Variants in SLC4A8 observed in about 807,000 individuals in gnomAD.
The protein encoded by SLC4A8 is solute carrier family 4 member 8, also known as electroneutral sodium bicarbonate exchanger 1.
In SLC4A8, 40 loss-of-function variants were observed where a neutral mutation model predicts 125.0. The ratio of observed to expected loss-of-function variants is 0.32; its 90% CI spans 0.25 to 0.42. The LOEUF (loss-of-function observed/expected upper bound fraction) is 0.42. SLC4A8 is among the 10% of genes least tolerant of loss of function. SLC4A8 has a pLI of 1.00. For synonymous variants in SLC4A8, 456 were observed against 476.0 expected, an observed-to-expected ratio of 0.96 and a Z score of 0.55; for missense variants, 863 against 1,355.1, an observed-to-expected ratio of 0.64 and a Z score of 5.70.
At chr12:51,478,262 G>A (rs1430587752) in intron 16 of SLC4A8, among the ~76,000 whole-genome samples, 5 of 132,288 alleles carry the variant, frequency 3.8e-5, no homozygotes, top group Admixed American at 1.6e-4. Context: ...GGGACAGAGC[G>A]AAACTCCGTC....
At chr12:51,400,785 T>TACATAC (rs1948371178) in intron 1 of SLC4A8, among the ~76,000 whole-genome samples, 1 of 11,162 alleles carries the variant, frequency 9.0e-5, no homozygotes, top group African/African-American at 5.1e-4. Flanking sequence ...TATACATACA[T>TACATAC]ACACACACAC....
At chr12:51,432,252 C>G (rs1388875833) in intron 1 of SLC4A8, among the ~76,000 whole-genome samples, 10 of 148,160 alleles carry the variant, frequency 6.7e-5, no homozygotes, top group African/African-American at 1.5e-4. Flanking sequence ...ACTAAAAATA[C>G]AAAAAAAAAT....
At chr12:51,450,751 T>A in intron 2 of SLC4A8, 125 bp from the exon 3 acceptor site, 1 of 1,032,582 alleles carries the variant, frequency 9.7e-7, no homozygotes, top group Non-Finnish European at 1.4e-6. Flanking sequence ...AGTTTTGTTG[T>A]TCCAGAGCTG....
upstream of SLC4A8, among the ~76,000 whole-genome samples, chr12:51,421,225 T>A (rs1370568522): frequency 2.0e-5 from 3 of 152,232 alleles, no homozygotes; most frequent in Non-Finnish European, 2.9e-5. Context: ...CTAGGACTTG[T>A]CTTCCAGCCA....
At chr12:51,461,097 G>T in intron 8 of SLC4A8, 107 bp from the exon 9 acceptor site, 2 of 545,952 alleles carry the variant, frequency 3.7e-6, no homozygotes, top group South Asian at 2.9e-5. Flanking sequence ...AAGGTACAGT[G>T]ATGATTTATG....
chr12:51,485,145 A>C (rs1446614109), intron 16 of SLC4A8, among the ~76,000 whole-genome samples: 3 of 152,184 alleles, frequency 2.0e-5, no homozygotes, highest in Admixed American at 2.0e-4. Flanking sequence ...TAGGCCAAGA[A>C]GGCCTTTTGA....
chr12:51,424,156 TA>T (rs1948885004), upstream of SLC4A8, among the ~76,000 whole-genome samples: 1 of 151,932 alleles, frequency 6.6e-6, no homozygotes, highest in Non-Finnish European at 1.5e-5. Flanking sequence ...TCTTTTCTTA[TA>T]AATCCAAATC....
chr12:51,411,955 G>A (rs904835635), intron 1 of SLC4A8, among the ~76,000 whole-genome samples: 26 of 151,930 alleles, frequency 1.7e-4, no homozygotes, highest in Non-Finnish European at 3.1e-4. Context: ...CCAGCTACTC[G>A]GGAGGCTGAG....
chr12:51,486,588 A>G (rs116302892), intron 17 of SLC4A8, among the ~76,000 whole-genome samples: 2,278 of 152,360 alleles, frequency 0.015, 71 homozygotes, highest in African/African-American at 0.053. Flanking sequence ...CAAAGAAGAT[A>G]GAAAAGCTGA....
chr12:51,466,215 A>G (rs1390959284), intron 11 of SLC4A8, among the ~76,000 whole-genome samples: 5 of 152,180 alleles, frequency 3.3e-5, no homozygotes, highest in Non-Finnish European at 1.5e-5. Flanking sequence ...CAGGGATGCC[A>G]TAAGTAACAA....
intron 1 of SLC4A8, among the ~76,000 whole-genome samples, chr12:51,398,322 C>T (rs1439184787): frequency 2.0e-5 from 3 of 152,118 alleles, no homozygotes; most frequent in Admixed American, 6.5e-5. Flanking sequence ...TTTGTATAAC[C>T]GAAGCCTCCT....
chr12:51,505,308 C>T (rs1452098283), intron 23 of SLC4A8, among the ~76,000 whole-genome samples: 3 of 152,152 alleles, frequency 2.0e-5, no homozygotes, highest in Non-Finnish European at 4.4e-5. Context: ...GTTGTTTGAC[C>T]TTGGATAGTC....
Position 51,488,826 on chromosome 12 carries a change from C to T in SLC4A8, c.2414C>T (p.Ala805Val). The change falls in exon 18 of 25, where the codon GCC (alanine) becomes GTC (valine). Residue 805 changes from alanine to valine, a missense_variant. This residue lies in a region of SLC4A8 where 197 missense variants were observed against 377.7 expected (regional missense o/e 0.52). Coordinates refer to ENST00000453097, the MANE Select transcript of SLC4A8 (RefSeq NM_001039960.3). ...ATATTCATGGATCAGCAGATCACAGCCGTCATTATTAACAGGAAGGAACAT... is the reference window on the plus strand; with the variant it reads ...ATATTCATGGATCAGCAGATCACAGTCGTCATTATTAACAGGAAGGAACAT... ...ILIFMDQQIT[A>V]VIINRKEHKL... 2 of 1,613,514 alleles carry T rather than the reference C, an allele frequency of 1.2e-6. No individual in the cohort carries two copies. The highest frequency in any genetic ancestry group is 1.7e-6 in the Non-Finnish European group (2 of 1,179,706).
At chr12:51,501,404 A>G (rs1450034055) in intron 22 of SLC4A8, among the ~76,000 whole-genome samples, 1 of 152,210 alleles carries the variant, frequency 6.6e-6, no homozygotes, top group East Asian at 1.9e-4. Flanking sequence ...GAGAACATGC[A>G]TTATTTGGTT....
chr12:51,465,348 C>G (rs1950480875), intron 11 of SLC4A8, among the ~76,000 whole-genome samples: 1 of 152,142 alleles, frequency 6.6e-6, no homozygotes, highest in African/African-American at 2.4e-5. Context: ...TTAGGTTGCT[C>G]TTTGTGCCAA....
At chr12:51,452,389 C>A in intron 4 of SLC4A8, 130 bp downstream of exon 4, 1 of 1,030,746 alleles carries the variant, frequency 9.7e-7, no homozygotes, top group Non-Finnish European at 1.5e-6. Context: ...ACTGACATTC[C>A]AGTGTCTCCT....
At chr12:51,444,672 GAACCATCGTGTCTTTTCTGAAGAAT>G (rs1365827305) in intron 2 of SLC4A8, among the ~76,000 whole-genome samples, 1 of 152,088 alleles carries the variant, frequency 6.6e-6, no homozygotes, top group Non-Finnish European at 1.5e-5. Context: ...GAGAACAATT[GAACCATCGTGTCTTTTCTGAAGAAT>G]AACCTAGCCT....
intron 22 of SLC4A8, among the ~76,000 whole-genome samples, chr12:51,503,232 A>AT (rs1180996661): frequency 6.9e-5 from 10 of 145,178 alleles, no homozygotes; most frequent in South Asian, 4.3e-4. Flanking sequence ...TTTTATTTTT[A>AT]TTTTTTTTTT....
At chr12:51,453,001 T>G (rs1950015589) in intron 4 of SLC4A8, among the ~76,000 whole-genome samples, 1 of 152,178 alleles carries the variant, frequency 6.6e-6, no homozygotes, top group South Asian at 2.1e-4. Flanking sequence ...GCTGAGAGAT[T>G]CAAACAGGCC....
Sources: gnomAD v4.1 joint callset for allele counts (sites outside exome capture counted in the v4.1 genomes callset) on GRCh38, gnomAD v4.1.1 for gene constraint, gnomAD v4.1.1 regional missense constraint, MANE v1.5 for transcripts, NCBI Gene and HGNC (gene_info 2026-07-23, HGNC 2026-07-21) for gene names.